Variants in CPAMD8 observed in about 807,000 individuals in gnomAD.
The protein encoded by CPAMD8 is C3 and PZP-like alpha-2-macroglobulin domain-containing protein 8.
CPAMD8 carries 146 observed loss-of-function variants against 224.7 expected under a neutral mutation model. That is an observed-to-expected ratio of 0.65 (90% CI 0.57 to 0.75). The LOEUF is 0.75. CPAMD8 is among the 30% of genes least tolerant of loss of function. CPAMD8 has a pLI of 0.00. For synonymous variants in CPAMD8, 966 were observed against 1,044.6 expected (o/e 0.92, Z 1.45); for missense variants, 2,301 against 2,537.5 (o/e 0.91, Z 2.00).
intron 23 of CPAMD8, among the ~76,000 whole-genome samples, chr19:16,931,887 A>G (rs2053556036): frequency 6.6e-6 from 1 of 152,204 alleles, no homozygotes; most frequent in South Asian, 2.1e-4. Flanking sequence ...TTCAGAATCA[A>G]TCTAAATGCT....
intron 27 of CPAMD8, among the ~76,000 whole-genome samples, chr19:16,916,838 C>G (rs962834906): frequency 6.6e-6 from 1 of 152,226 alleles, no homozygotes; most frequent in East Asian, 1.9e-4. Context: ...AATGCATCCT[C>G]TTCTTTCTAT....
chr19:16,989,994 G>A (rs1304236961), intron 12 of CPAMD8, among the ~76,000 whole-genome samples: 2 of 152,206 alleles, frequency 1.3e-5, no homozygotes, highest in Non-Finnish European at 2.9e-5. Context: ...ACTCACACCT[G>A]TAATCACAGC....
At chr19:16,970,335 C>G (rs903613436) in intron 18 of CPAMD8, among the ~76,000 whole-genome samples, 1 of 151,904 alleles carries the variant, frequency 6.6e-6, no homozygotes, top group African/African-American at 2.4e-5. Context: ...ACCTGTAATC[C>G]CAGCACTTTG....
At chr19:16,996,277 G>A (rs2056119867) in intron 11 of CPAMD8, among the ~76,000 whole-genome samples, 1 of 152,198 alleles carries the variant, frequency 6.6e-6, no homozygotes, top group South Asian at 2.1e-4. Flanking sequence ...TGTCGAGGCT[G>A]TGGTGAGCTA....
intron 20 of CPAMD8, 133 bp downstream of exon 20, chr19:16,951,836 A>C: frequency 9.5e-6 from 6 of 631,040 alleles, no homozygotes; most frequent in African/African-American, 1.9e-5. Flanking sequence ...CTGCCTCCTC[A>C]ACATCATAGA....
At chr19:16,936,295 T>C (rs2053681087) in intron 23 of CPAMD8, among the ~76,000 whole-genome samples, 1 of 152,174 alleles carries the variant, frequency 6.6e-6, no homozygotes, top group Non-Finnish European at 1.5e-5. Flanking sequence ...TAATTTGCAT[T>C]TCCCTAATGA....
At chr19:16,968,222 G>A (rs1467057039) in intron 18 of CPAMD8, among the ~76,000 whole-genome samples, 1 of 152,018 alleles carries the variant, frequency 6.6e-6, no homozygotes, top group Non-Finnish European at 1.5e-5. Flanking sequence ...ATGCTTCCAT[G>A]TGTATCCAAA....
intron 8 of CPAMD8, chr19:17,002,593 C>T (rs1368351683): frequency 1.0e-5 from 4 of 399,700 alleles, no homozygotes; most frequent in South Asian, 3.7e-5. Flanking sequence ...TTTTAGACCA[C>T]GTGCTTAGAG....
rs199908235 is a variant in CPAMD8 at position 16,985,499 on chromosome 19, A to AGGAT, written c.1395+4140_1395+4143dup. 6.0e-3 allele frequency among the ~76,000 whole-genome samples: 887 copies of AGGAT among 147,540 alleles called. 3 individuals are homozygous for AGGAT. Among genetic ancestry groups the AGGAT allele is most frequent in the African/African-American group, 0.021 (843 of 39,616 alleles). On this transcript the variant is annotated intron_variant, in intron 13 of 41. Coordinates refer to ENST00000443236, the MANE Select transcript of CPAMD8 (RefSeq NM_015692.5). ...GAAGGGTGGATGAAGGGCAGACGGA[A>AGGAT]GGATGGATGGATGGATGATAAATGG...
At chr19:16,917,078 T>C (rs1279310458) in intron 27 of CPAMD8, among the ~76,000 whole-genome samples, 2 of 152,152 alleles carry the variant, frequency 1.3e-5, no homozygotes, top group Non-Finnish European at 2.9e-5. Flanking sequence ...ACAGGATAAA[T>C]GTTATCAAGT....
At chr19:17,008,648 CTT>C (rs2056559985) in intron 6 of CPAMD8, 89 bp from the exon 7 acceptor site, 7 of 1,396,718 alleles carry the variant, frequency 5.0e-6, no homozygotes, top group Admixed American at 1.7e-5. Flanking sequence ...AGTCCTCTCT[CTT>C]GGGCATGTCA....
At chr19:16,987,152 CAAAAAAAAAAAAAAA>C (rs1214757739) in intron 13 of CPAMD8, among the ~76,000 whole-genome samples, 2 of 23,014 alleles carry the variant, frequency 8.7e-5, no homozygotes, top group African/African-American at 2.7e-4. Flanking sequence ...GAGACTCTGT[CAAAAAAAAAAAAAAA>C]AAAAAAAAAA....
intron 13 of CPAMD8, among the ~76,000 whole-genome samples, chr19:16,987,375 C>CTCCTCT (rs2055782471): frequency 6.6e-6 from 1 of 151,468 alleles, no homozygotes; most frequent in Admixed American, 6.6e-5. Flanking sequence ...AGGACCCCCT[C>CTCCTCT]TCCTCTTCCT....
intron 18 of CPAMD8, among the ~76,000 whole-genome samples, chr19:16,964,605 A>G (rs1304126012): frequency 6.6e-6 from 1 of 152,220 alleles, no homozygotes; most frequent in African/African-American, 2.4e-5. Flanking sequence ...GAATTCCACC[A>G]GAAGTACAAA....
intron 13 of CPAMD8, among the ~76,000 whole-genome samples, chr19:16,986,994 A>G: frequency 6.6e-6 from 1 of 151,100 alleles, no homozygotes; most frequent in Non-Finnish European, 1.5e-5. Flanking sequence ...TGTCTCTACT[A>G]AAAATACAAA....
At chr19:17,009,576 C>T in intron 5 of CPAMD8, 1 of 385,806 alleles carries the variant, frequency 2.6e-6, no homozygotes, top group Non-Finnish European at 4.8e-6. Flanking sequence ...AGATTGAGAC[C>T]ACCCTGGCTA....
intron 19 of CPAMD8, among the ~76,000 whole-genome samples, chr19:16,956,148 C>T (rs1015672125): frequency 1.3e-5 from 2 of 152,108 alleles, no homozygotes; most frequent in Non-Finnish European, 2.9e-5. Context: ...TCCACACCTG[C>T]ACCCCTAACC....
chr19:17,009,785 AAAG>A (rs1410144267), intron 5 of CPAMD8, among the ~76,000 whole-genome samples: 1 of 152,064 alleles, frequency 6.6e-6, no homozygotes, highest in African/African-American at 2.4e-5. Flanking sequence ...AAAAAAAAAA[AAAG>A]AAATGGGGAA....
chr19:17,006,107 C>T (rs766170576), intron 7 of CPAMD8, among the ~76,000 whole-genome samples: 3 of 151,986 alleles, frequency 2.0e-5, no homozygotes, highest in East Asian at 1.9e-4. Flanking sequence ...GGACTTTAGG[C>T]ACCCGCCACC....
Sources: allele counts gnomAD v4.1 joint callset (sites outside exome capture counted in the v4.1 genomes callset), GRCh38; gene constraint gnomAD v4.1.1; transcripts MANE v1.5; gene names NCBI Gene and HGNC (gene_info 2026-07-23, HGNC 2026-07-21).